The following PARP16 variants were observed in gnomAD, a reference collection of about 807,000 sequenced individuals.
The protein encoded by PARP16 is poly(ADP-ribose) polymerase family member 16, also known as protein mono-ADP-ribosyltransferase PARP16.
A neutral mutation model predicts 35.0 loss-of-function variants in PARP16; 31 were observed. The observed-to-expected ratio is 0.88, with a 90% CI of 0.66 to 1.19. The LOEUF is 1.19. Ranked by LOEUF, PARP16 falls within the 50% of genes most tolerant of loss-of-function variation. PARP16 has a pLI of 0.00. For missense variants in PARP16, 424 were observed against 411.2 expected (o/e 1.03, Z -0.27); for synonymous variants, 162 against 169.5 (o/e 0.96, Z 0.34).
At chr15:65,244,319 G>A (rs897371205) in intron 3 of PARP16, among the ~76,000 whole-genome samples, 2 of 152,130 alleles carry the variant, frequency 1.3e-5, no homozygotes, top group African/African-American at 4.8e-5. Flanking sequence ...TGCTAATAAA[G>A]ACATACCCAA....
intron 4 of PARP16, among the ~76,000 whole-genome samples, 155 bp downstream of exon 4, chr15:65,262,994 T>A (rs972580882): frequency 2.0e-5 from 3 of 152,184 alleles, no homozygotes; most frequent in Non-Finnish European, 2.9e-5. Flanking sequence ...CTAAGAAGAC[T>A]GCTCGCTCCT....
chr15:65,278,004 C>T (rs925008829), intron 1 of PARP16, among the ~76,000 whole-genome samples: 2 of 152,166 alleles, frequency 1.3e-5, no homozygotes, highest in African/African-American at 4.8e-5. Context: ...AATAATTATC[C>T]AAGAGGAAGG....
intron 1 of PARP16, among the ~76,000 whole-genome samples, chr15:65,279,586 T>TGA (rs1372354031): frequency 1.3e-5 from 2 of 152,190 alleles, no homozygotes; most frequent in Non-Finnish European, 2.9e-5. Context: ...CCTCCACTGT[T>TGA]CAGATGCCAT....
rs369430868 is a variant in PARP16, at chr15:65,276,087, A to C, written c.175-5015T>G. On this transcript the variant is annotated intron_variant, in intron 1 of 5. Transcript: ENST00000649807. ...CCCGGCCCTCCTACTGCATCTGCCCAGACAGGGTCCCTGCTGCATCCTGCC... is the reference window on the plus strand; with the variant it reads ...CCCGGCCCTCCTACTGCATCTGCCCCGACAGGGTCCCTGCTGCATCCTGCC... Among the ~76,000 whole-genome samples, 32 of 152,272 alleles carry C rather than the reference A, an allele frequency of 2.1e-4. No individual in the cohort carries two copies. In the East Asian group the frequency reaches 3.3e-3, roughly 16 times the overall value.
intron 1 of PARP16, among the ~76,000 whole-genome samples, chr15:65,274,135 G>A (rs1319029222): frequency 6.6e-6 from 1 of 151,514 alleles, no homozygotes; most frequent in Non-Finnish European, 1.5e-5. Flanking sequence ...GTAGAGATGA[G>A]GTCTTGCTAT....
chr15:65,276,654 CCT>C (rs1183265249), intron 1 of PARP16, among the ~76,000 whole-genome samples: 1 of 152,106 alleles, frequency 6.6e-6, no homozygotes, highest in African/African-American at 2.4e-5. Context: ...GGCATGAGCC[CCT>C]GTGTTCAGCC....
rs62014962 is a variant in PARP16, at chr15:65,278,930, G to C, written c.174+7323C>G. ...CAGTGGGGCAGGGGCGATGAGTGGA[G>C]CTAGAAGGCTGCTGAAATGAAGGCT... On this transcript the variant is annotated intron_variant, in intron 1 of 5. Coordinates refer to ENST00000649807, the MANE Select transcript of PARP16 (RefSeq NM_001316943.2). Among the ~76,000 whole-genome samples, 609 of 152,258 alleles carry C rather than the reference G, an allele frequency of 4.0e-3. 2 individuals are homozygous for C. Among genetic ancestry groups the C allele is most frequent in the African/African-American group, 0.013 (539 of 41,556 alleles).
intron 3 of PARP16, among the ~76,000 whole-genome samples, chr15:65,240,272 G>C (rs2089021912): frequency 6.6e-6 from 1 of 150,840 alleles, no homozygotes; most frequent in Non-Finnish European, 1.5e-5. Context: ...CAAGTAGCTT[G>C]GCGCCCGCCA....
intron 1 of PARP16, among the ~76,000 whole-genome samples, chr15:65,275,532 T>C (rs893910874): frequency 7.2e-5 from 11 of 152,238 alleles, no homozygotes; most frequent in African/African-American, 2.4e-4. Flanking sequence ...AGTACTCTAA[T>C]GTTAGTGTGA....
chr15:65,236,651 G>A lies in PARP16; in HGVS notation c.*98-1828C>T, dbSNP rs2088884605. On this transcript the variant is annotated intron_variant and NMD_transcript_variant, in intron 3 of 3. Coordinates refer to the PARP16 transcript ENST00000559805. ...CAGGCCCCTGGGCACTGTAGGCTGG[G>A]TAATGGTATTGGACTTCCGCATAAA... 2.6e-5 allele frequency among the ~76,000 whole-genome samples: 4 copies of A among 152,334 alleles called. No individual in the cohort carries two copies. In the South Asian group the frequency reaches 6.2e-4, roughly 24 times the overall value.
In PARP16 at chr15:65,266,619, G is replaced by A. The variant is rs560006987; in HGVS notation, c.462C>T (p.Ser154=). 1 of 1,614,124 alleles carries A rather than the reference G, an allele frequency of 6.2e-7. No individual in the cohort carries two copies. The highest frequency in any genetic ancestry group is 1.1e-5 in the South Asian group (1 of 91,074). The change falls in exon 3 of 6, where the codon AGC becomes AGT. Residue 154 remains serine, a synonymous_variant. Coordinates refer to ENST00000649807, the MANE Select transcript of PARP16 (RefSeq NM_001316943.2). The part of the protein sequence containing the change: ...ERDLIYAFHG[S]RLENFHSIIH... ...TAATGGAATGGAAGTTTTCTAGGCGGCTACCATGAAATGCATAGATTAGGT... is the reference window on the plus strand; with the variant it reads ...TAATGGAATGGAAGTTTTCTAGGCGACTACCATGAAATGCATAGATTAGGT...
chr15:65,267,678 CT>C (rs556058787), intron 2 of PARP16, among the ~76,000 whole-genome samples: 6 of 53,058 alleles, frequency 1.1e-4, no homozygotes, highest in Admixed American at 3.6e-4. Context: ...ATTTTCCTAA[CT>C]TTTTTTTTTT....
In PARP16 at chr15:65,259,154, G is replaced by C. The variant is rs932672021; in HGVS notation, c.*253C>G. 6.5e-5 allele frequency: 29 copies of C among 445,528 alleles called. No homozygotes were observed. The highest frequency in any genetic ancestry group is 9.7e-5 in the Non-Finnish European group (24 of 246,320). 27.6% of individuals were successfully genotyped at this position (445,528 alleles called of 1,614,324 possible). A position where few individuals can be genotyped will look rare whatever the true frequency, so the allele number is the denominator to read the frequency against. On this transcript the variant is annotated 3_prime_UTR_variant, in exon 6 of 6. Transcript: ENST00000649807. ...CCTGGCTGAAAAGCCAACTCCCTAG[G>C]ACAGTTTAAGAAGGAGCAGATGGAA...
chr15:65,257,138 C>T (rs1042358777), downstream of PARP16, among the ~76,000 whole-genome samples: 2 of 152,116 alleles, frequency 1.3e-5, no homozygotes, highest in Non-Finnish European at 1.5e-5. Flanking sequence ...CAAAAATGGC[C>T]GGGCATGGTG....
rs34811236 is a variant in PARP16, at chr15:65,240,323, AGTGTGTGTGT to A, written c.*98-5510_*98-5501del. Among the ~76,000 whole-genome samples, 359 of 126,124 alleles carry A rather than the reference AGTGTGTGTGT, an allele frequency of 2.8e-3. 4 individuals carry two copies. Among genetic ancestry groups the A allele is most frequent in the South Asian group, 9.8e-3 (37 of 3,780 alleles). The allele number at this position is 126,124 out of a possible 152,430, so 82.7% of individuals were successfully genotyped here. ...GTGTGTGTGTGTGGTGGGGGGGGCTAGTGTGTGTGTGTGTGTGTGTGTGTGTGTGTGTGTG... is the reference window on the plus strand; with the variant it reads ...GTGTGTGTGTGTGGTGGGGGGGGCTAGTGTGTGTGTGTGTGTGTGTGTGTG... On this transcript the variant is annotated intron_variant and NMD_transcript_variant, in intron 3 of 3. Coordinates refer to the PARP16 transcript ENST00000559805.
chr15:65,252,556 T>G (rs867106109), intron 2 of PARP16, among the ~76,000 whole-genome samples: 42 of 152,198 alleles, frequency 2.8e-4, no homozygotes, highest in African/African-American at 1.0e-3. Flanking sequence ...TCACCAGCAA[T>G]GGCTAGAAAG....
At position 65,286,510 on chromosome 15, in the gene PARP16, G is replaced by T; in HGVS notation, c.-84C>A. The T allele has an allele frequency of 9.1e-7, 1 of 1,100,324 alleles. No individual in the cohort carries two copies. 68.2% of individuals were successfully genotyped at this position (1,100,324 alleles called of 1,614,324 possible). A position where few individuals can be genotyped will look rare whatever the true frequency, so the allele number is the denominator to read the frequency against. ...CGTTCAGCGCGGGGGCTGGGCCCGCGGACAATGGGCCGTCAGGGGCCGGGT... is the reference window on the plus strand; with the variant it reads ...CGTTCAGCGCGGGGGCTGGGCCCGCTGACAATGGGCCGTCAGGGGCCGGGT... On this transcript the variant is annotated 5_prime_UTR_variant, in exon 1 of 6. Coordinates refer to ENST00000649807, the MANE Select transcript of PARP16 (RefSeq NM_001316943.2).
chr15:65,279,987 G>A (rs187931956), intron 1 of PARP16, among the ~76,000 whole-genome samples: 1 of 151,768 alleles, frequency 6.6e-6, no homozygotes, highest in Non-Finnish European at 1.5e-5. Flanking sequence ...CACAACTCCT[G>A]CTTGAGACCA....
intron 3 of PARP16, among the ~76,000 whole-genome samples, chr15:65,242,225 T>C (rs1270260428): frequency 6.6e-6 from 1 of 152,246 alleles, no homozygotes; most frequent in Non-Finnish European, 1.5e-5. Context: ...TTCAGTGATC[T>C]ATATGTTTAT....
Sources: gnomAD v4.1 joint callset for allele counts (sites outside exome capture counted in the v4.1 genomes callset) on GRCh38, gnomAD v4.1.1 for gene constraint, MANE v1.5 for transcripts, NCBI Gene and HGNC (gene_info 2026-07-23, HGNC 2026-07-21) for gene names.